The following PEX5L variants were observed in gnomAD, a reference collection of about 807,000 sequenced individuals.
The protein encoded by PEX5L is peroxisomal biogenesis factor 5 like, also known as PEX5-related protein.
In PEX5L, 30 loss-of-function variants were observed where a neutral mutation model predicts 84.0. The ratio of observed to expected loss-of-function variants is 0.36; its 90% CI spans 0.27 to 0.48. PEX5L has a LOEUF of 0.48. PEX5L is among the 20% of genes least tolerant of loss of function. The probability of loss-of-function intolerance (pLI) is 0.99; values close to 1 mark genes in which losing one functional copy is unlikely to be tolerated. For missense variants in PEX5L, 533 were observed against 754.6 expected, an observed-to-expected ratio of 0.71 and a Z score of 3.44; for synonymous variants, 270 against 283.1, an observed-to-expected ratio of 0.95 and a Z score of 0.46.
intron 5 of PEX5L, among the ~76,000 whole-genome samples, chr3:179,879,241 A>G (rs1481281149): frequency 2.6e-5 from 4 of 152,178 alleles, no homozygotes; most frequent in African/African-American, 9.7e-5. Flanking sequence ...GTCTGATTCC[A>G]GGAGCTGAGA....
At chr3:180,005,510 C>T (rs896246400) in intron 1 of PEX5L, among the ~76,000 whole-genome samples, 2 of 152,106 alleles carry the variant, frequency 1.3e-5, no homozygotes, top group African/African-American at 2.4e-5. Context: ...GGGTGGATCA[C>T]GAGGTCAAGA....
chr3:179,806,838 T>A (rs1721485998), intron 14 of PEX5L, among the ~76,000 whole-genome samples: 1 of 152,346 alleles, frequency 6.6e-6, no homozygotes, highest in South Asian at 2.1e-4. Flanking sequence ...AACCGGTACA[T>A]GGCAGAGCTG....
chr3:179,962,276 T>C (rs1380272618), intron 2 of PEX5L, among the ~76,000 whole-genome samples: 3 of 152,296 alleles, frequency 2.0e-5, no homozygotes, highest in South Asian at 4.1e-4. Flanking sequence ...AGAGGAAGTA[T>C]CATAATTTAG....
chr3:180,002,856 C>T (rs1788547728), intron 1 of PEX5L, among the ~76,000 whole-genome samples: 1 of 152,020 alleles, frequency 6.6e-6, no homozygotes, highest in Non-Finnish European at 1.5e-5. Flanking sequence ...TTAGGAAGTA[C>T]AGTAAATAAT....
chr3:179,981,181 C>T (rs1006481233), intron 1 of PEX5L, among the ~76,000 whole-genome samples: 7 of 151,908 alleles, frequency 4.6e-5, no homozygotes, highest in Admixed American at 1.3e-4. Flanking sequence ...ACAGAGTTGC[C>T]CAGGGTTGTG....
intron 8 of PEX5L, among the ~76,000 whole-genome samples, chr3:179,827,673 T>C (rs1731041122): frequency 6.6e-6 from 1 of 152,194 alleles, no homozygotes; most frequent in Non-Finnish European, 1.5e-5. Context: ...AGATGAGGCT[T>C]AGAGAAGGGA....
Position 179,808,360 on chromosome 3 carries a change from TG to T in PEX5L, c.1429del (p.Gln477ArgfsTer4). On this transcript the variant is annotated frameshift_variant, in exon 13 of 15. Coordinates refer to ENST00000467460, the MANE Select transcript of PEX5L (RefSeq NM_016559.3). LOFTEE classifies it high-confidence loss of function. ...GTGGAACAGAACCCCTAGACCTGTCTGCAGGTCTGGGTCGATCATATCTCCA... is the reference window on the plus strand; with the variant it reads ...GTGGAACAGAACCCCTAGACCTGTCTCAGGTCTGGGTCGATCATATCTCCA... ...QNGDMIDPDL[Q>X]TGLGVLFHLS... 6.2e-7 allele frequency: 1 copy of T among 1,601,536 alleles called. No homozygotes were observed. Among genetic ancestry groups the T allele is most frequent in the Admixed American group, 1.7e-5 (1 of 58,070 alleles).
chr3:179,926,310 C>T (rs1331431082), intron 2 of PEX5L, among the ~76,000 whole-genome samples: 3 of 152,134 alleles, frequency 2.0e-5, no homozygotes, highest in East Asian at 1.9e-4. Context: ...TCAGTGCCCT[C>T]GGACCAGCCA....
chr3:179,854,333 G>T (rs574788479), intron 8 of PEX5L, among the ~76,000 whole-genome samples: 2 of 151,986 alleles, frequency 1.3e-5, no homozygotes, highest in South Asian at 4.2e-4. Flanking sequence ...TCCAACAGTG[G>T]ATAATGTATT....
intron 8 of PEX5L, among the ~76,000 whole-genome samples, chr3:179,843,203 G>A (rs1371245601): frequency 6.6e-6 from 1 of 152,132 alleles, no homozygotes; most frequent in Non-Finnish European, 1.5e-5. Context: ...AGATCATCAC[G>A]GCAGGACAGC....
In PEX5L at chr3:179,808,421, C is replaced by A. The variant is rs143065282; in HGVS notation, c.1369G>T (p.Val457Leu). The change falls in exon 13 of 15, where the codon GTG (valine) becomes TTG (leucine). Residue 457 changes from valine (V) to leucine (L), a missense_variant. Coordinates refer to ENST00000467460, the MANE Select transcript of PEX5L (RefSeq NM_016559.3). ...GCAGCTTCCAGATATAATTCCTTCA[C>A]CCCTTCCAGAACAGAGCTACAAGAG... The part of the protein sequence containing the change: ...SPVDSSVLEG[V>L]KELYLEAAHQ... 4.5e-6 allele frequency: 7 copies of A among 1,548,750 alleles called. No homozygotes were observed. The highest frequency in any genetic ancestry group is 6.1e-6 in the Non-Finnish European group (7 of 1,150,396).
chr3:179,868,917 A>G (rs1474659922), intron 7 of PEX5L, among the ~76,000 whole-genome samples: 3 of 152,144 alleles, frequency 2.0e-5, no homozygotes, highest in Non-Finnish European at 4.4e-5. Flanking sequence ...GCTCCTGTGT[A>G]TACACGTTAA....
chr3:179,811,052 CA>C (rs1723584812), intron 11 of PEX5L, among the ~76,000 whole-genome samples: 2 of 152,080 alleles, frequency 1.3e-5, no homozygotes, highest in Non-Finnish European at 2.9e-5. Flanking sequence ...GTTACTTCAT[CA>C]AATACCAACA....
At chr3:179,966,240 T>C (rs1783300983) in intron 2 of PEX5L, among the ~76,000 whole-genome samples, 1 of 152,196 alleles carries the variant, frequency 6.6e-6, no homozygotes, top group African/African-American at 2.4e-5. Flanking sequence ...ATCTGCAGGC[T>C]GAGCAGGTGG....
At chr3:179,855,487 T>C (rs1162728534) in intron 8 of PEX5L, among the ~76,000 whole-genome samples, 1 of 152,198 alleles carries the variant, frequency 6.6e-6, no homozygotes, top group African/African-American at 2.4e-5. Context: ...AATACATCTT[T>C]ATGAAAGAAC....
At chr3:179,862,511 G>A (rs1746582384) in intron 7 of PEX5L, among the ~76,000 whole-genome samples, 1 of 152,106 alleles carries the variant, frequency 6.6e-6, no homozygotes, top group African/African-American at 2.4e-5. Flanking sequence ...TATCTAACTA[G>A]GGAAACTCAT....
chr3:179,809,549 G>C lies in PEX5L; in HGVS notation c.1274C>G (p.Pro425Arg). The C allele has an allele frequency of 6.2e-7, 1 of 1,614,030 alleles. No homozygotes were observed. Among genetic ancestry groups the C allele is most frequent in the Non-Finnish European group, 8.5e-7 (1 of 1,179,978 alleles). The change falls in exon 12 of 15, where the codon CCA becomes CGA. Residue 425 changes from proline to arginine, a missense_variant. Physicochemically the swap from Pro to Arg is moderately radical, Grantham distance 103. Coordinates refer to ENST00000467460, the MANE Select transcript of PEX5L (RefSeq NM_016559.3). ...DALKNWIKQN[P>R]KYKYLVKSKK... Reference sequence around the variant, plus strand: ...GCTTTTCACAAGGTATTTGTACTTTGGATTTTGCTTAATCCAATTCTTCAG... The same window carrying C: ...GCTTTTCACAAGGTATTTGTACTTTCGATTTTGCTTAATCCAATTCTTCAG...
intron 1 of PEX5L, among the ~76,000 whole-genome samples, chr3:180,009,633 G>A (rs893892150): frequency 2.0e-5 from 3 of 151,786 alleles, no homozygotes; most frequent in Admixed American, 6.6e-5. Flanking sequence ...GTCCAGCCTG[G>A]ACAGGAACTC....
chr3:179,905,260 T>C (rs1762742396), intron 2 of PEX5L, among the ~76,000 whole-genome samples: 1 of 150,340 alleles, frequency 6.7e-6, no homozygotes, highest in South Asian at 2.2e-4. Flanking sequence ...TCTGAGGAAG[T>C]TGAGTCAATC....
Sources: gnomAD v4.1 joint callset for allele counts (sites outside exome capture counted in the v4.1 genomes callset) on GRCh38, gnomAD v4.1.1 for gene constraint, MANE v1.5 for transcripts, NCBI Gene and HGNC (gene_info 2026-07-23, HGNC 2026-07-21) for gene names.